Variants in BANK1 observed in about 807,000 individuals in gnomAD.
BANK1 encodes B cell scaffold protein with ankyrin repeats 1, also known as B-cell scaffold protein with ankyrin repeats.
BANK1 carries 95 observed loss-of-function variants against 94.5 expected under a neutral mutation model. The observed-to-expected ratio is 1.00, with a 90% CI of 0.85 to 1.19. The LOEUF (loss-of-function observed/expected upper bound fraction) is 1.19, where lower values mean the gene tolerates loss of function less well. Among genes scored for constraint, BANK1 ranks in the 50% most tolerant of loss-of-function variants. The probability of loss-of-function intolerance (pLI) is 0.00; values close to 1 mark genes in which losing one functional copy is unlikely to be tolerated. For synonymous variants in BANK1, 334 were observed against 308.4 expected, an observed-to-expected ratio of 1.08 and a Z score of -0.87; for missense variants, 987 against 932.2, an observed-to-expected ratio of 1.06 and a Z score of -0.77.
chr4:102,039,050 C>T (rs1299989666), intron 10 of BANK1, among the ~76,000 whole-genome samples: 3 of 152,092 alleles, frequency 2.0e-5, no homozygotes, highest in Non-Finnish European at 4.4e-5. Context: ...TAAGCCGTAA[C>T]CCAAGTCAGT....
chr4:101,936,918 A>G (rs1056362628), intron 7 of BANK1, among the ~76,000 whole-genome samples: 2 of 151,646 alleles, frequency 1.3e-5, no homozygotes, highest in Non-Finnish European at 3.0e-5. Flanking sequence ...AACAAACTAA[A>G]AATAGAGCTA....
At chr4:101,980,064 T>A (rs1473795354) in intron 7 of BANK1, among the ~76,000 whole-genome samples, 1 of 151,886 alleles carries the variant, frequency 6.6e-6, no homozygotes, top group Non-Finnish European at 1.5e-5. Flanking sequence ...TACCACTTTA[T>A]AAGTGGCAAA....
intron 7 of BANK1, among the ~76,000 whole-genome samples, chr4:101,931,526 G>A (rs187473217): frequency 1.9e-4 from 29 of 151,558 alleles, no homozygotes. Flanking sequence ...GCTTTCCTGG[G>A]TCTCTAGCTT....
intron 7 of BANK1, among the ~76,000 whole-genome samples, chr4:102,021,250 C>A (rs72932000): frequency 6.6e-6 from 1 of 152,018 alleles, no homozygotes; most frequent in Non-Finnish European, 1.5e-5. Flanking sequence ...TTAAACTTAA[C>A]GATTATTGCC....
intron 1 of BANK1, among the ~76,000 whole-genome samples, chr4:101,827,535 A>T (rs1726412024): frequency 6.6e-6 from 1 of 151,950 alleles, no homozygotes; most frequent in Non-Finnish European, 1.5e-5. Flanking sequence ...CTTTTATTTC[A>T]TCAAGTTAAA....
At chr4:101,845,886 T>G (rs1727223465) in intron 2 of BANK1, among the ~76,000 whole-genome samples, 1 of 151,310 alleles carries the variant, frequency 6.6e-6, no homozygotes, top group Admixed American at 6.5e-5. Context: ...TTATTATACT[T>G]TAAGTTTTAA....
chr4:101,838,302 C>A (rs1726906952), intron 2 of BANK1, among the ~76,000 whole-genome samples: 1 of 152,038 alleles, frequency 6.6e-6, no homozygotes, highest in Admixed American at 6.6e-5. Flanking sequence ...ATGTATACAC[C>A]CTATTTCTGA....
At position 101,843,933 on chromosome 4, in the gene BANK1, A is replaced by G. The variant is rs1444530533; in HGVS notation, c.470-11102A>G. Among the ~76,000 whole-genome samples the G allele has an allele frequency of 3.3e-5, 5 of 152,264 alleles. No individual in the cohort carries two copies. The South Asian group carries it at 6.2e-4, about 19-fold the overall frequency. ...CAAGACTCGGTCTCAAAAAAAATAA[A>G]AATAAAAATTAATAAATAAATATAT... On this transcript the variant is annotated intron_variant, in intron 2 of 16. Transcript: ENST00000322953.
At chr4:101,917,950 A>G (rs1221213838) in intron 6 of BANK1, 43 bp from the exon 7 acceptor site, 1 of 1,420,276 alleles carries the variant, frequency 7.0e-7, no homozygotes, top group Admixed American at 1.8e-5. Flanking sequence ...GAGATTGCCA[A>G]TAAAATGAAA....
chr4:101,990,559 A>G (rs894454561), intron 7 of BANK1, among the ~76,000 whole-genome samples: 1 of 152,182 alleles, frequency 6.6e-6, no homozygotes, highest in South Asian at 2.1e-4. Context: ...TGACATGTGA[A>G]AGATGGAGTA....
intron 6 of BANK1, among the ~76,000 whole-genome samples, chr4:101,909,589 G>C (rs1722588975): frequency 6.6e-6 from 1 of 152,134 alleles, no homozygotes; most frequent in African/African-American, 2.4e-5. Context: ...TCCCCTGGGT[G>C]GGCCAGGTTT....
rs1728860620 is a variant in BANK1, at chr4:102,074,495, T to C, written c.*496T>C. The C allele has an allele frequency of 6.6e-6, 1 of 152,060 alleles. No homozygotes were observed. The highest frequency in any genetic ancestry group is 2.4e-5 in the African/African-American group (1 of 41,444). The allele number at this position is 152,060 out of a possible 1,614,324, so 9.4% of individuals were successfully genotyped here. ...AGTTCCAGTCATTATTGTTACATCA[T>C]GTTTGCAGAAACCTTGTCTTATTTA... On this transcript the variant is annotated 3_prime_UTR_variant, in exon 17 of 17. Coordinates refer to ENST00000322953, the MANE Select transcript of BANK1 (RefSeq NM_017935.5).
intron 7 of BANK1, among the ~76,000 whole-genome samples, chr4:101,978,160 G>GA (rs1324547693): frequency 1.3e-5 from 2 of 149,618 alleles, no homozygotes; most frequent in South Asian, 2.1e-4. Flanking sequence ...AAAAAAAAAA[G>GA]AAAAAAAGAA....
intron 11 of BANK1, among the ~76,000 whole-genome samples, chr4:102,052,524 T>A (rs1407851042): frequency 1.3e-5 from 2 of 152,182 alleles, no homozygotes; most frequent in East Asian, 3.8e-4. Context: ...ATTATACTTC[T>A]GTTAATGATT....
intron 7 of BANK1, among the ~76,000 whole-genome samples, chr4:102,007,665 T>G (rs1231220789): frequency 1.3e-5 from 2 of 152,112 alleles, no homozygotes; most frequent in African/African-American, 2.4e-5. Flanking sequence ...TAAAAAATGT[T>G]TCTCCTCTGA....
At chr4:102,045,057 T>A (rs1727833321) in intron 11 of BANK1, among the ~76,000 whole-genome samples, 1 of 151,980 alleles carries the variant, frequency 6.6e-6, no homozygotes, top group Admixed American at 6.6e-5. Context: ...TTTGTCAATT[T>A]TGGCTTTTGT....
chr4:101,985,466 A>T (rs1388810962), intron 7 of BANK1, among the ~76,000 whole-genome samples: 1 of 152,068 alleles, frequency 6.6e-6, no homozygotes, highest in Non-Finnish European at 1.5e-5. Flanking sequence ...GGTTTTTTTT[A>T]ATTTAGTTTT....
chr4:102,071,667 T>C (rs1388337598), intron 14 of BANK1, among the ~76,000 whole-genome samples: 3 of 152,186 alleles, frequency 2.0e-5, no homozygotes, highest in African/African-American at 7.2e-5. Flanking sequence ...TAAAGACTGA[T>C]AATGATATAT....
chr4:101,943,296 G>A (rs1047612514), intron 7 of BANK1, among the ~76,000 whole-genome samples: 2 of 151,948 alleles, frequency 1.3e-5, no homozygotes, highest in Non-Finnish European at 2.9e-5. Flanking sequence ...TGGCATGATA[G>A]TAATCAAAAC....
Sources: allele counts gnomAD v4.1 joint callset (sites outside exome capture counted in the v4.1 genomes callset), GRCh38; gene constraint gnomAD v4.1.1; transcripts MANE v1.5; gene names NCBI Gene and HGNC (gene_info 2026-07-23, HGNC 2026-07-21).